RPS6KA2: variants seen among roughly 807,000 people sequenced by gnomAD.
RPS6KA2 encodes the protein ribosomal protein S6 kinase alpha-2.
Under a neutral mutation model 91.8 loss-of-function variants are expected in RPS6KA2, and 42 were observed. The observed-to-expected ratio is 0.46, with a 90% CI of 0.36 to 0.59. The LOEUF (loss-of-function observed/expected upper bound fraction) is 0.59, where lower values mean the gene tolerates loss of function less well. Among genes scored for constraint, RPS6KA2 ranks in the 20% least tolerant of loss-of-function variants. The pLI is 0.00. For missense variants in RPS6KA2, 798 were observed against 978.5 expected, an observed-to-expected ratio of 0.82 and a Z score of 2.46; for synonymous variants, 414 against 393.6, an observed-to-expected ratio of 1.05 and a Z score of -0.61.
chr6:166,609,936 TA>T (rs1238586917), intron 1 of RPS6KA2, among the ~76,000 whole-genome samples: 1 of 152,236 alleles, frequency 6.6e-6, no homozygotes, highest in Non-Finnish European at 1.5e-5. Context: ...TTTGAAGATT[TA>T]AAAAATGTAT....
At chr6:166,654,765 G>T (rs1263430073) in intron 2 of RPS6KA2, among the ~76,000 whole-genome samples, 1 of 152,104 alleles carries the variant, frequency 6.6e-6, no homozygotes, top group Admixed American at 6.5e-5. Flanking sequence ...TTAGATTAGG[G>T]TAAAATATTT....
At position 166,626,938 on chromosome 6, in the gene RPS6KA2, T is replaced by C. The variant is rs1786904468; in HGVS notation, c.82A>G (p.Ser28Gly). 1 of 1,549,440 alleles carries C rather than the reference T, an allele frequency of 6.5e-7. No individual in the cohort carries two copies. Among genetic ancestry groups the C allele is most frequent in the Non-Finnish European group, 8.7e-7 (1 of 1,146,394 alleles). The change falls in exon 1 of 21, where the codon AGC becomes GGC. Residue 28 changes from serine (S) to glycine (G), a missense_variant. Transcript: ENST00000265678. This position sits in a 1 kb window ranked among gnomAD's most constrained non-coding sequence, Gnocchi z 4.1. ...LRRKSRSKSS[S>G]LSRLEEEGVV... ...CGCATTACCTCGAGCCGGCTCAGGC[T>C]GGAGCTCTTGGAGCGCGACTTCCTG... is the stretch of plus-strand genomic sequence containing the variant.
chr6:166,458,191 C>G (rs1240045292), intron 12 of RPS6KA2, among the ~76,000 whole-genome samples: 2 of 152,174 alleles, frequency 1.3e-5, no homozygotes, highest in Non-Finnish European at 2.9e-5. Context: ...GTGTCCCTAC[C>G]CAAATCTCAT....
rs537111527 is a variant in RPS6KA2, at chr6:166,566,934, C to T, written c.100-28150G>A. On this transcript the variant is annotated intron_variant, in intron 1 of 20. Coordinates refer to ENST00000265678, the MANE Select transcript of RPS6KA2 (RefSeq NM_021135.6). ...AGAGCTGGCAACAGGGATTTTCCCT[C>T]GGACACAGTGACTTCCATAAACCCT... 1.4e-4 allele frequency among the ~76,000 whole-genome samples: 21 copies of T among 152,360 alleles called. No homozygotes were observed. In the South Asian group the frequency reaches 3.9e-3, roughly 29 times the overall value.
intron 1 of RPS6KA2, among the ~76,000 whole-genome samples, chr6:166,859,310 C>A (rs916118729): frequency 6.6e-6 from 1 of 152,182 alleles, no homozygotes; most frequent in Non-Finnish European, 1.5e-5. Context: ...TCAGCCAGAC[C>A]TTGTGGGCTG....
chr6:166,802,931 T>C (rs1779405393), intron 2 of RPS6KA2, among the ~76,000 whole-genome samples: 1 of 75,306 alleles, frequency 1.3e-5, no homozygotes, highest in African/African-American at 3.8e-5. Flanking sequence ...AATGTATGTA[T>C]ATGTGTGTGT....
At chr6:166,474,874 G>C (rs1780907318) in intron 10 of RPS6KA2, among the ~76,000 whole-genome samples, 3 of 152,202 alleles carry the variant, frequency 2.0e-5, no homozygotes, top group Admixed American at 1.3e-4. Context: ...GCCAAGCACA[G>C]AGGGACCAAA....
At chr6:166,742,268 G>A (rs1040754618) in intron 2 of RPS6KA2, among the ~76,000 whole-genome samples, 2 of 152,174 alleles carry the variant, frequency 1.3e-5, no homozygotes, top group African/African-American at 2.4e-5. Flanking sequence ...GTCTGTCCAC[G>A]CACAGGAGTG....
At chr6:166,568,085 G>A (rs1027655400) in intron 1 of RPS6KA2, among the ~76,000 whole-genome samples, 14 of 152,134 alleles carry the variant, frequency 9.2e-5, no homozygotes, top group African/African-American at 1.4e-4. Flanking sequence ...TCCTGCTCTC[G>A]TAACCAAGAG....
At chr6:166,769,302 G>A (rs539634605) in intron 2 of RPS6KA2, among the ~76,000 whole-genome samples, 2 of 152,200 alleles carry the variant, frequency 1.3e-5, no homozygotes, top group Non-Finnish European at 2.9e-5. Context: ...TCACACATTT[G>A]GATAAAGCCA....
Position 166,462,459 on chromosome 6 carries a change from C to T in RPS6KA2, c.973-2908G>A, listed in dbSNP as rs561520298. 4.6e-5 allele frequency among the ~76,000 whole-genome samples: 7 copies of T among 152,364 alleles called. No individual in the cohort carries two copies. In the East Asian group the frequency reaches 1.2e-3, roughly 25 times the overall value. ...CTTCCTGCCTTCTAAGTCAGATTCA[C>T]AGCCCAGCACTGGTACTGCTGTGAC... On this transcript the variant is annotated intron_variant, in intron 11 of 20. Coordinates refer to ENST00000265678, the MANE Select transcript of RPS6KA2 (RefSeq NM_021135.6).
Position 166,680,593 on chromosome 6 carries a change from C to T in RPS6KA2, c.124-141809G>A, listed in dbSNP as rs1412888295. On this transcript the variant is annotated intron_variant, in intron 2 of 21. Coordinates refer to the RPS6KA2 transcript ENST00000503859. ...CTCCTGAAGCCAGTGACAGCACGAG[C>T]CCGCCAGGAGGGACGAACAACTCTG... Among the ~76,000 whole-genome samples the T allele has an allele frequency of 3.9e-5, 6 of 152,164 alleles. No homozygotes were observed. In the East Asian group the frequency reaches 9.6e-4, roughly 24 times the overall value.
intron 2 of RPS6KA2, among the ~76,000 whole-genome samples, chr6:166,834,946 A>G (rs891566400): frequency 1.3e-5 from 2 of 152,148 alleles, no homozygotes; most frequent in African/African-American, 4.8e-5. Flanking sequence ...TTATTGTTTT[A>G]GGTCTTAAAT....
At chr6:166,486,646 G>A (rs978541801) in intron 10 of RPS6KA2, among the ~76,000 whole-genome samples, 1 of 152,256 alleles carries the variant, frequency 6.6e-6, no homozygotes, top group Admixed American at 6.5e-5. Context: ...CCTGCCAGGT[G>A]GCATTGGGGG....
At position 166,635,088 on chromosome 6, in the gene RPS6KA2, G is replaced by A. The variant is rs1314393869; in HGVS notation, c.124-96304C>T. The stretch of plus-strand genomic sequence containing the variant: ...AGACTTGTGATAACGGAGAGCCAAC[G>A]GTAGTACGTGAAAGTGACCGTGTGG... On this transcript the variant is annotated intron_variant, in intron 2 of 21. Coordinates refer to the RPS6KA2 transcript ENST00000503859. This position sits in a 1 kb window ranked among gnomAD's most constrained non-coding sequence, Gnocchi z 4.8. 1.3e-5 allele frequency among the ~76,000 whole-genome samples: 2 copies of A among 152,156 alleles called. No individual in the cohort carries two copies. The highest frequency in any genetic ancestry group is 2.9e-5 in the Non-Finnish European group (2 of 68,038).
intron 1 of RPS6KA2, among the ~76,000 whole-genome samples, chr6:166,860,083 G>T (rs914665389): frequency 3.9e-5 from 6 of 152,112 alleles, no homozygotes; most frequent in Non-Finnish European, 8.8e-5. Context: ...CAAAACTAGA[G>T]AGGAAATTCA....
intron 2 of RPS6KA2, among the ~76,000 whole-genome samples, chr6:166,538,428 G>C (rs922322199): frequency 6.6e-6 from 1 of 152,222 alleles, no homozygotes; most frequent in Non-Finnish European, 1.5e-5. Flanking sequence ...AGGCTCTAGA[G>C]AGAAGGCAAA....
chr6:166,506,703 C>T (rs1782240192), intron 5 of RPS6KA2, among the ~76,000 whole-genome samples: 1 of 152,118 alleles, frequency 6.6e-6, no homozygotes, highest in Admixed American at 6.5e-5. Context: ...GCGCCCGATT[C>T]AGGAGCAGCT....
At chr6:166,513,400 G>A (rs1199979954) in intron 3 of RPS6KA2, among the ~76,000 whole-genome samples, 1 of 152,212 alleles carries the variant, frequency 6.6e-6, no homozygotes, top group Non-Finnish European at 1.5e-5. Context: ...GGACACAGGA[G>A]GTCCTTCTTC....
Sources: allele counts gnomAD v4.1 joint callset (sites outside exome capture counted in the v4.1 genomes callset), GRCh38; gene constraint gnomAD v4.1.1; non-coding constraint Gnocchi (gnomAD v3.1); transcripts MANE v1.5; gene names NCBI Gene and HGNC (gene_info 2026-07-23, HGNC 2026-07-21).